The following DAB1 variants were observed in gnomAD, a reference collection of about 807,000 sequenced individuals.
DAB1 encodes DAB adaptor protein 1, also known as disabled homolog 1.
In DAB1, 15 loss-of-function variants were observed where a neutral mutation model predicts 64.6. The observed-to-expected ratio is 0.23, with a 90% CI of 0.16 to 0.36. DAB1 has a LOEUF of 0.36. Among genes scored for constraint, DAB1 ranks in the 10% least tolerant of loss-of-function variants. DAB1 has a pLI of 1.00. For missense variants in DAB1, 596 were observed against 706.7 expected (o/e 0.84, Z 1.78); for synonymous variants, 235 against 251.9 (o/e 0.93, Z 0.64).
chr1:58,171,390 G>A (rs1373822768), intron 4 of DAB1, among the ~76,000 whole-genome samples: 2 of 152,230 alleles, frequency 1.3e-5, no homozygotes, highest in Non-Finnish European at 2.9e-5. Flanking sequence ...GTAAGGAAAT[G>A]CAGCAGTCCC....
intron 5 of DAB1, among the ~76,000 whole-genome samples, chr1:58,118,178 T>G (rs1652462261): frequency 6.6e-6 from 1 of 151,572 alleles, no homozygotes; most frequent in African/African-American, 2.4e-5. Flanking sequence ...TCCAAAGTGC[T>G]AGAATTACAG....
chr1:58,229,704 AAAGCACTGGCT>A (rs943825426), intron 4 of DAB1, among the ~76,000 whole-genome samples: 1 of 152,202 alleles, frequency 6.6e-6, no homozygotes, highest in Non-Finnish European at 1.5e-5. Flanking sequence ...AAGCACTGGC[AAAGCACTGGCT>A]AAGCACAGGC....
chr1:57,214,937 A>G (rs1355142743), intron 2 of DAB1, among the ~76,000 whole-genome samples: 1 of 151,514 alleles, frequency 6.6e-6, no homozygotes, highest in Non-Finnish European at 1.5e-5. Context: ...AAAAGAAAGA[A>G]AAAAGGCAAG....
chr1:58,240,380 G>A lies in DAB1; in HGVS notation n.310-89792C>T, dbSNP rs1660239745. ...GTCATCCAGTTAGAATAAGGATATG[G>A]TGACACACCATCATGGATCATGTCC... On this transcript the variant is annotated intron_variant and non_coding_transcript_variant, in intron 4 of 20. Coordinates refer to the DAB1 transcript ENST00000485760. Among the ~76,000 whole-genome samples the A allele has an allele frequency of 2.0e-5, 3 of 152,100 alleles. No homozygotes were observed. In the East Asian group the frequency reaches 5.8e-4, roughly 29 times the overall value.
intron 4 of DAB1, among the ~76,000 whole-genome samples, chr1:58,326,670 C>T (rs1039590234): frequency 6.6e-6 from 1 of 152,182 alleles, no homozygotes; most frequent in African/African-American, 2.4e-5. Context: ...AACCAAGGCC[C>T]AGAAACTTGA....
intron 7 of DAB1, among the ~76,000 whole-genome samples, chr1:57,440,586 A>G (rs1027546099): frequency 5.3e-5 from 8 of 152,146 alleles, no homozygotes; most frequent in Admixed American, 1.3e-4. Flanking sequence ...GGAAGGAAGA[A>G]TGGAAAAGAG....
In DAB1 at chr1:57,657,707, C is replaced by A. The variant is rs146988597; in HGVS notation, n.552-8042G>T. On this transcript the variant is annotated intron_variant and non_coding_transcript_variant, in intron 6 of 20. Coordinates refer to the DAB1 transcript ENST00000485760. ...GAATATGGAGACCCTTTACCTCCACCCCAAAAGAATACGTTCATGTGTGTA... is the reference window on the plus strand; with the variant it reads ...GAATATGGAGACCCTTTACCTCCACACCAAAAGAATACGTTCATGTGTGTA... Among the ~76,000 whole-genome samples, 831 of 152,130 alleles carry A rather than the reference C, an allele frequency of 5.5e-3. 12 individuals are homozygous for A. Among genetic ancestry groups the A allele is most frequent in the Admixed American group, 0.016 (249 of 15,290 alleles).
At chr1:58,309,461 C>T (rs1018402422) in intron 4 of DAB1, among the ~76,000 whole-genome samples, 10 of 152,110 alleles carry the variant, frequency 6.6e-5, no homozygotes, top group African/African-American at 1.7e-4. Context: ...GGGTTCCAGA[C>T]GGGTAGGGAA....
chr1:57,529,888 A>C (rs905757547), intron 7 of DAB1, among the ~76,000 whole-genome samples: 2 of 152,064 alleles, frequency 1.3e-5, no homozygotes, highest in African/African-American at 4.8e-5. Flanking sequence ...TCATTTACCC[A>C]TGTCTCTTTC....
At chr1:57,487,320 C>T (rs1644104842) in intron 7 of DAB1, among the ~76,000 whole-genome samples, 1 of 152,198 alleles carries the variant, frequency 6.6e-6, no homozygotes, top group Admixed American at 6.5e-5. Flanking sequence ...TGACCTCTTC[C>T]TCCACCCTGC....
chr1:57,825,074 GCTTT>G (rs1439903179), downstream of DAB1, among the ~76,000 whole-genome samples: 1 of 152,182 alleles, frequency 6.6e-6, no homozygotes, highest in Non-Finnish European at 1.5e-5. Flanking sequence ...CTAGGTCTCA[GCTTT>G]CTCAGAAGTA....
chr1:57,487,690 C>T (rs1157755346), intron 7 of DAB1, among the ~76,000 whole-genome samples: 2 of 152,126 alleles, frequency 1.3e-5, no homozygotes, highest in Admixed American at 6.5e-5. Flanking sequence ...TAGACAATAC[C>T]ACATAGCCTA....
intron 5 of DAB1, among the ~76,000 whole-genome samples, chr1:58,054,066 C>T (rs758197680): frequency 1.3e-5 from 2 of 152,220 alleles, no homozygotes; most frequent in South Asian, 2.1e-4. Context: ...TGAACACATA[C>T]TGGGCATCAG....
chr1:57,913,090 C>G (rs1644672184), intron 5 of DAB1, among the ~76,000 whole-genome samples: 1 of 152,206 alleles, frequency 6.6e-6, no homozygotes, highest in African/African-American at 2.4e-5. Context: ...TTGGAAAAAA[C>G]TACTTTAAAG....
intron 5 of DAB1, chr1:58,080,417 A>G (rs1278675253): frequency 6.6e-6 from 1 of 152,202 alleles, no homozygotes; most frequent in African/African-American, 2.4e-5. Flanking sequence ...CACCCGGAAT[A>G]ACAGATGTGT....
chr1:58,117,050 A>G (rs1465959199), intron 5 of DAB1, among the ~76,000 whole-genome samples: 2 of 152,226 alleles, frequency 1.3e-5, no homozygotes, highest in Admixed American at 6.5e-5. Flanking sequence ...TTGCTCCTCA[A>G]AAATGCTCTG....
At chr1:57,546,249 C>T (rs1644855642) in intron 7 of DAB1, among the ~76,000 whole-genome samples, 1 of 152,164 alleles carries the variant, frequency 6.6e-6, no homozygotes, top group Non-Finnish European at 1.5e-5. Context: ...AACACAAGTC[C>T]TAAGGCTCCT....
At chr1:57,004,017 A>C (rs528673329) in intron 14 of DAB1, among the ~76,000 whole-genome samples, 29 of 152,080 alleles carry the variant, frequency 1.9e-4, no homozygotes, top group Non-Finnish European at 3.7e-4. Context: ...TAAGCCTACT[A>C]TCCTCTCCAC....
intron 6 of DAB1, among the ~76,000 whole-genome samples, chr1:57,653,643 C>T (rs901576911): frequency 3.9e-5 from 6 of 151,978 alleles, no homozygotes; most frequent in Non-Finnish European, 7.4e-5. Flanking sequence ...GATGGAGTCT[C>T]GCTCTGCCAC....
Sources: allele counts gnomAD v4.1 joint callset (sites outside exome capture counted in the v4.1 genomes callset), GRCh38; gene constraint gnomAD v4.1.1; transcripts MANE v1.5; gene names NCBI Gene and HGNC (gene_info 2026-07-23, HGNC 2026-07-21).